The following CLVS1 variants were observed in gnomAD, a reference collection of about 807,000 sequenced individuals.
CLVS1 encodes clavesin 1, also known as clavesin-1.
CLVS1 carries 10 observed loss-of-function variants against 33.1 expected under a neutral mutation model. That is an observed-to-expected ratio of 0.30 (90% CI 0.19 to 0.51). The LOEUF (loss-of-function observed/expected upper bound fraction) is 0.51, where lower values mean the gene tolerates loss of function less well. Ranked by LOEUF, CLVS1 falls within the 20% of genes least tolerant of loss-of-function variation. CLVS1 has a pLI of 0.97. For missense variants in CLVS1, 343 were observed against 433.4 expected (o/e 0.79, Z 1.85); for synonymous variants, 163 against 166.1 (o/e 0.98, Z 0.14).
At chr8:61,386,125 A>T (rs961550085) in intron 3 of CLVS1, among the ~76,000 whole-genome samples, 2 of 152,154 alleles carry the variant, frequency 1.3e-5, no homozygotes, top group African/African-American at 4.8e-5. Context: ...AACTGAGGGG[A>T]TTGGACTGCA....
intron 2 of CLVS1, among the ~76,000 whole-genome samples, chr8:61,281,755 G>A (rs1809675347): frequency 6.6e-6 from 1 of 151,926 alleles, no homozygotes; most frequent in Admixed American, 6.6e-5. Context: ...GCTATACTCT[G>A]CATCTTCAAG....
At chr8:61,470,985 T>C (rs773437278) in intron 5 of CLVS1, among the ~76,000 whole-genome samples, 28 of 152,236 alleles carry the variant, frequency 1.8e-4, no homozygotes, top group Non-Finnish European at 3.8e-4. Flanking sequence ...GCCCTCACTG[T>C]GCACTGTGGC....
intron 1 of CLVS1, among the ~76,000 whole-genome samples, chr8:61,074,220 C>T (rs1168556861): frequency 2.0e-5 from 3 of 150,480 alleles, no homozygotes; most frequent in Non-Finnish European, 3.0e-5. Flanking sequence ...TGCCTGTAGT[C>T]CCAGCTACTT....
chr8:61,299,529 G>T, intron 1 of CLVS1, 148 bp from the exon 2 acceptor site: 1 of 318,198 alleles, frequency 3.1e-6, no homozygotes, highest in East Asian at 5.2e-5. Context: ...TCCATTTTAA[G>T]GATAATTTAT....
intron 1 of CLVS1, among the ~76,000 whole-genome samples, chr8:61,078,170 G>C (rs1032794477): frequency 6.6e-6 from 1 of 152,256 alleles, no homozygotes; most frequent in Non-Finnish European, 1.5e-5. Context: ...GCTGATAAAA[G>C]AAGCTGTGTG....
intron 2 of CLVS1, among the ~76,000 whole-genome samples, chr8:61,203,493 G>A (rs541277473): frequency 2.0e-5 from 3 of 151,960 alleles, no homozygotes; most frequent in East Asian, 1.9e-4. Context: ...CATGGAAATC[G>A]TGGGGAGACA....
chr8:61,098,185 G>A (rs948673262), intron 1 of CLVS1, among the ~76,000 whole-genome samples: 2 of 151,946 alleles, frequency 1.3e-5, no homozygotes, highest in Non-Finnish European at 2.9e-5. Flanking sequence ...GAAAGAGAGC[G>A]AGCAAGGGAG....
chr8:61,383,295 C>T (rs1400151951), intron 3 of CLVS1, among the ~76,000 whole-genome samples: 2 of 152,208 alleles, frequency 1.3e-5, no homozygotes, highest in Admixed American at 1.3e-4. Flanking sequence ...AGGGATGAAT[C>T]CTTTCCCAAT....
At chr8:61,414,482 G>A (rs780585005) in intron 3 of CLVS1, among the ~76,000 whole-genome samples, 1 of 151,778 alleles carries the variant, frequency 6.6e-6, no homozygotes, top group South Asian at 2.1e-4. Flanking sequence ...CACAAAGTGG[G>A]GACAGAATGA....
At chr8:61,455,044 AT>A (rs1239615450) in intron 4 of CLVS1, among the ~76,000 whole-genome samples, 2 of 152,038 alleles carry the variant, frequency 1.3e-5, no homozygotes, top group Non-Finnish European at 2.9e-5. Context: ...TCCCAGTGTT[AT>A]TAAGGTATAA....
the CLVS1 span, among the ~76,000 whole-genome samples, chr8:61,016,481 T>C: frequency 6.6e-6 from 1 of 152,212 alleles, no homozygotes; most frequent in Non-Finnish European, 1.5e-5. Context: ...ACAATGTAAA[T>C]GACAATGTCA....
intron 2 of CLVS1, among the ~76,000 whole-genome samples, chr8:61,354,406 G>T (rs1812599003): frequency 6.6e-6 from 1 of 151,808 alleles, no homozygotes; most frequent in Admixed American, 6.6e-5. Flanking sequence ...AAAGCAATTT[G>T]GTAGTTTCTT....
chr8:61,062,157 A>T (rs759455381), intron 1 of CLVS1, among the ~76,000 whole-genome samples: 31 of 152,198 alleles, frequency 2.0e-4, no homozygotes, highest in Non-Finnish European at 3.4e-4. Flanking sequence ...CACCCCTGGG[A>T]TGCTACTCCA....
At chr8:61,191,011 C>T (rs1467936417) in intron 2 of CLVS1, among the ~76,000 whole-genome samples, 21 of 152,170 alleles carry the variant, frequency 1.4e-4, no homozygotes, top group Middle Eastern at 3.2e-3. Flanking sequence ...GGAATCCTCC[C>T]TAACTCATTT....
intron 3 of CLVS1, among the ~76,000 whole-genome samples, chr8:61,415,338 G>A (rs1021467041): frequency 6.6e-6 from 1 of 152,214 alleles, no homozygotes; most frequent in Non-Finnish European, 1.5e-5. Flanking sequence ...TGCCCTGGAG[G>A]TCACAGCATC....
chr8:61,058,228 T>C (rs933662056), intron 1 of CLVS1, among the ~76,000 whole-genome samples: 1 of 152,064 alleles, frequency 6.6e-6, no homozygotes, highest in Non-Finnish European at 1.5e-5. Flanking sequence ...CAGTTGGCAG[T>C]GTAAATTATT....
chr8:61,092,098 A>G (rs964049249), intron 1 of CLVS1, among the ~76,000 whole-genome samples: 1 of 152,250 alleles, frequency 6.6e-6, no homozygotes, highest in Non-Finnish European at 1.5e-5. Context: ...TTAATTAGAA[A>G]ATAATTGTTA....
intron 2 of CLVS1, among the ~76,000 whole-genome samples, chr8:61,165,400 C>G (rs1426954116): frequency 2.0e-5 from 3 of 152,216 alleles, no homozygotes; most frequent in Non-Finnish European, 4.4e-5. Context: ...TTGCCCTTGC[C>G]AGCTCGAATG....
At chr8:61,130,354 A>C (rs1806070752) in intron 1 of CLVS1, among the ~76,000 whole-genome samples, 1 of 152,166 alleles carries the variant, frequency 6.6e-6, no homozygotes, top group Non-Finnish European at 1.5e-5. Context: ...ATATTCCGTG[A>C]CATCTCCTGA....
Sources: gnomAD v4.1 joint callset for allele counts (sites outside exome capture counted in the v4.1 genomes callset) on GRCh38, gnomAD v4.1.1 for gene constraint, MANE v1.5 for transcripts, NCBI Gene and HGNC (gene_info 2026-07-23, HGNC 2026-07-21) for gene names.